The following VAT1L variants were observed in gnomAD, a reference collection of about 807,000 sequenced individuals.
VAT1L encodes the protein putative NADPH-dependent quinone oxidoreductase VAT1L.
A neutral mutation model predicts 44.1 loss-of-function variants in VAT1L; 34 were observed. The ratio of observed to expected loss-of-function variants is 0.77; its 90% CI spans 0.59 to 1.03. VAT1L has a LOEUF of 1.03. VAT1L is among the 50% of genes least tolerant of loss of function. The probability of loss-of-function intolerance (pLI) is 0.00; values close to 1 mark genes in which losing one functional copy is unlikely to be tolerated. For synonymous variants in VAT1L, 253 were observed against 202.2 expected (o/e 1.25, Z -2.13); for missense variants, 615 against 538.8 (o/e 1.14, Z -1.40).
chr16:77,844,115 T>C (rs2016734082), intron 3 of VAT1L, among the ~76,000 whole-genome samples: 1 of 152,238 alleles, frequency 6.6e-6, no homozygotes, highest in Admixed American at 6.5e-5. Context: ...ATACATATTA[T>C]ACATATAGTA....
Position 77,879,180 on chromosome 16 carries a change from A to G in VAT1L, c.838A>G (p.Met280Val), listed in dbSNP as rs200139822. The G allele has an allele frequency of 5.6e-6, 9 of 1,614,050 alleles. No individual in the cohort carries two copies. The highest frequency in any genetic ancestry group is 5.9e-6 in the Non-Finnish European group (7 of 1,180,026). Reference protein sequence around the residue: ...GTYILYGSSNMVTGETKSFFS... With the variant: ...GTYILYGSSNVVTGETKSFFS... ...TCTTTCATTTTCAGGCTCATCCAAC[A>G]TGGTAACTGGAGAGACCAAGAGCTT... Residue 280 changes from methionine to valine, a missense_variant, in exon 6 of 9, where the codon ATG becomes GTG. Physicochemically the swap from Met to Val is conservative, Grantham distance 21 (BLOSUM62 1). Coordinates refer to ENST00000302536, the MANE Select transcript of VAT1L (RefSeq NM_020927.3). This position sits in a 1 kb window ranked among gnomAD's most constrained non-coding sequence, Gnocchi z 4.1.
At chr16:77,933,592 G>A (rs2017756698) in intron 7 of VAT1L, among the ~76,000 whole-genome samples, 1 of 152,194 alleles carries the variant, frequency 6.6e-6, no homozygotes, top group African/African-American at 2.4e-5. Flanking sequence ...GGAGTAAAAG[G>A]GATGGGGAAG....
At chr16:77,791,898 A>G (rs1418218881) in intron 1 of VAT1L, among the ~76,000 whole-genome samples, 1 of 152,220 alleles carries the variant, frequency 6.6e-6, no homozygotes, top group African/African-American at 2.4e-5. Flanking sequence ...TTGATGGCAG[A>G]TGGATTTCAC....
chr16:77,803,417 C>CTTTTTTTTTTTTTTTTTTTTTT (rs11379202), intron 1 of VAT1L, among the ~76,000 whole-genome samples: 1 of 105,534 alleles, frequency 9.5e-6, no homozygotes, highest in African/African-American at 3.7e-5. Context: ...ACTAGACATT[C>CTTTTTTTTTTTTTTTTTTTTTT]TTTTTTTTTT....
chr16:77,877,512 C>CAAAAAAAAAA (rs55704400), intron 5 of VAT1L, among the ~76,000 whole-genome samples: 2 of 86,802 alleles, frequency 2.3e-5, no homozygotes, highest in Non-Finnish European at 5.0e-5. Flanking sequence ...GACTCTGTCT[C>CAAAAAAAAAA]AAAAAAAAAA....
chr16:77,964,924 G>A (rs993055307), intron 7 of VAT1L, among the ~76,000 whole-genome samples: 3 of 151,658 alleles, frequency 2.0e-5, no homozygotes, highest in African/African-American at 7.3e-5. Flanking sequence ...CCGAGTAGCT[G>A]GGATTACAGG....
intron 7 of VAT1L, among the ~76,000 whole-genome samples, chr16:77,950,739 G>C (rs938091027): frequency 2.6e-5 from 4 of 152,110 alleles, no homozygotes; most frequent in Admixed American, 6.6e-5. Flanking sequence ...TGTTAAATTA[G>C]TGAATGTTAT....
In VAT1L at chr16:77,838,974, C is replaced by CTCAGG. The variant is rs201015123; in HGVS notation, c.579+13516_579+13520dup. Reference sequence around the variant, plus strand: ...CTCTGGGTATTCCATAGTGAGCAAACTCAGGTCTCATCCCATATTCCTGAA... The same window carrying CTCAGG: ...CTCTGGGTATTCCATAGTGAGCAAACTCAGGTCAGGTCTCATCCCATATTCCTGAA... On this transcript the variant is annotated intron_variant, in intron 3 of 8. Coordinates refer to ENST00000302536, the MANE Select transcript of VAT1L (RefSeq NM_020927.3). 4.2e-3 allele frequency among the ~76,000 whole-genome samples: 638 copies of CTCAGG among 152,144 alleles called. 2 individuals are homozygous for CTCAGG. Among genetic ancestry groups the CTCAGG allele is most frequent in the African/African-American group, 0.015 (609 of 41,510 alleles).
chr16:77,878,276 A>G (rs1304182654), intron 5 of VAT1L, among the ~76,000 whole-genome samples: 2 of 152,218 alleles, frequency 1.3e-5, no homozygotes, highest in African/African-American at 2.4e-5. Context: ...TTTTGCACCA[A>G]CTTATTAACT....
chr16:77,965,875 A>C (rs748622588), intron 7 of VAT1L, among the ~76,000 whole-genome samples: 36 of 152,172 alleles, frequency 2.4e-4, no homozygotes, highest in Non-Finnish European at 5.0e-4. Context: ...GTCCTTTTGC[A>C]CTATGGACTC....
At chr16:77,792,271 A>G (rs1366583061) in intron 1 of VAT1L, among the ~76,000 whole-genome samples, 1 of 152,132 alleles carries the variant, frequency 6.6e-6, no homozygotes, top group Non-Finnish European at 1.5e-5. Context: ...TCATGTATAT[A>G]ATATAGGCAA....
chr16:77,913,034 C>G (rs1044418803), intron 7 of VAT1L, among the ~76,000 whole-genome samples: 1 of 152,160 alleles, frequency 6.6e-6, no homozygotes, highest in East Asian at 1.9e-4. Flanking sequence ...TCAGGTGTTA[C>G]GGCTTCAACA....
rs138482450 is a variant in VAT1L at position 77,936,260 on chromosome 16, T to C, written c.1078-35590T>C. On this transcript the variant is annotated intron_variant, in intron 7 of 8. Coordinates refer to ENST00000302536, the MANE Select transcript of VAT1L (RefSeq NM_020927.3). ...CGAAACACTTGTCCATCTTCAGCTA[T>C]ATTTCTTCCTCACTTAAACCCTCTG... Among the ~76,000 whole-genome samples the C allele has an allele frequency of 8.7e-4, 133 of 152,318 alleles. No homozygotes were observed. The Middle Eastern group carries it at 0.014, about 16-fold the overall frequency.
At chr16:77,936,743 C>G (rs1337166120) in intron 7 of VAT1L, among the ~76,000 whole-genome samples, 1 of 152,088 alleles carries the variant, frequency 6.6e-6, no homozygotes, top group African/African-American at 2.4e-5. Context: ...ACTGTGGCTC[C>G]ATCTTGTAAG....
Position 77,816,063 on chromosome 16 carries a change from G to C in VAT1L, c.234-858G>C, listed in dbSNP as rs181078375. ...GTGTTTCCCCATGTGATTAGCAAAT[G>C]GGTGTTAAATGGAATTCCCAAGAGC... On this transcript the variant is annotated intron_variant, in intron 1 of 8. Transcript: ENST00000302536. 2.0e-4 allele frequency among the ~76,000 whole-genome samples: 29 copies of C among 148,016 alleles called. No homozygotes were observed. The East Asian group carries it at 5.7e-3, about 29-fold the overall frequency.
chr16:77,817,628 A>G (rs1233260294), intron 2 of VAT1L, among the ~76,000 whole-genome samples: 1 of 152,232 alleles, frequency 6.6e-6, no homozygotes, highest in Non-Finnish European at 1.5e-5. Flanking sequence ...CTTTGGAAGT[A>G]GGGAAATGGG....
intron 7 of VAT1L, among the ~76,000 whole-genome samples, chr16:77,888,614 G>A (rs1465282176): frequency 6.6e-6 from 1 of 152,200 alleles, no homozygotes; most frequent in East Asian, 1.9e-4. Flanking sequence ...ATTTTGGGCT[G>A]AATAATTTTT....
At chr16:77,818,862 G>C (rs1342670383) in intron 2 of VAT1L, among the ~76,000 whole-genome samples, 1 of 152,128 alleles carries the variant, frequency 6.6e-6, no homozygotes, top group Non-Finnish European at 1.5e-5. Context: ...AAGATCTTCA[G>C]TCATATTGGA....
At chr16:77,795,429 C>G (rs898417292) in intron 1 of VAT1L, among the ~76,000 whole-genome samples, 55 of 152,222 alleles carry the variant, frequency 3.6e-4, no homozygotes, top group Non-Finnish European at 1.8e-4. Flanking sequence ...TAACAAATAG[C>G]TAAAATGTGC....
Sources: allele counts gnomAD v4.1 joint callset (sites outside exome capture counted in the v4.1 genomes callset), GRCh38; gene constraint gnomAD v4.1.1; non-coding constraint Gnocchi (gnomAD v3.1); transcripts MANE v1.5; gene names NCBI Gene and HGNC (gene_info 2026-07-23, HGNC 2026-07-21).